Variants in GALNS observed in about 807,000 individuals in gnomAD.
GALNS encodes the protein N-acetylgalactosamine-6-sulfatase.
Under a neutral mutation model 65.9 loss-of-function variants are expected in GALNS, and 65 were observed. That is an observed-to-expected ratio of 0.99 (90% CI 0.81 to 1.21). The LOEUF is 1.21. Ranked by LOEUF, GALNS falls within the 50% of genes most tolerant of loss-of-function variation. The pLI is 0.00. For synonymous variants in GALNS, 346 were observed against 288.9 expected, an observed-to-expected ratio of 1.20 and a Z score of -2.00; for missense variants, 776 against 700.7, an observed-to-expected ratio of 1.11 and a Z score of -1.21.
chr16:88,831,936 A>G, intron 9 of GALNS, 62 bp downstream of exon 9: 1 of 1,442,950 alleles, frequency 6.9e-7, no homozygotes. Context: ...AGGGGCGCAC[A>G]CACCCTGGGA....
At chr16:88,839,772 G>A (rs867634547) in intron 4 of GALNS, among the ~76,000 whole-genome samples, 11 of 152,200 alleles carry the variant, frequency 7.2e-5, no homozygotes, top group Admixed American at 2.6e-4. Flanking sequence ...CCTCTCTCCC[G>A]TCGACAGCTG....
chr16:88,822,723 G>C lies in GALNS; in HGVS notation c.1243-13C>G. 1 of 1,611,304 alleles carries C rather than the reference G, an allele frequency of 6.2e-7. No individual in the cohort carries two copies. Among genetic ancestry groups the C allele is most frequent in the Non-Finnish European group, 8.5e-7 (1 of 1,178,976 alleles). On this transcript the variant is annotated splice_polypyrimidine_tract_variant and intron_variant, in intron 11 of 13. Coordinates refer to ENST00000268695, the MANE Select transcript of GALNS (RefSeq NM_000512.5). Reference sequence around the variant, plus strand: ...AGAAATCAATGCCCTGCAATGAGAAGAGGGAAGGTGTGTCCTGGAGCCCCT... The same window carrying C: ...AGAAATCAATGCCCTGCAATGAGAACAGGGAAGGTGTGTCCTGGAGCCCCT...
intron 13 of GALNS, 133 bp downstream of exon 13, chr16:88,817,874 G>A (rs554742849): frequency 8.7e-6 from 7 of 803,080 alleles, no homozygotes; most frequent in East Asian, 2.7e-5. Context: ...TCTGAGGCAC[G>A]AGGGCCTCAC....
At chr16:88,855,300 C>G (rs1967752412) in intron 1 of GALNS, 5 of 699,866 alleles carry the variant, frequency 7.1e-6, no homozygotes, top group Non-Finnish European at 1.3e-5. Context: ...CCCAGCTCAT[C>G]CAGCGAAGCT....
rs1193874764 is a variant in GALNS, at chr16:88,839,795, G to T, written c.422+1197C>A. Reference sequence around the variant, plus strand: ...CCGTCGACAGCTGTTCAGGAGCCTCGAGGCCTCTATGGAGACCCACTCCCT... The same window carrying T: ...CCGTCGACAGCTGTTCAGGAGCCTCTAGGCCTCTATGGAGACCCACTCCCT... On this transcript the variant is annotated intron_variant, in intron 4 of 13. Coordinates refer to ENST00000268695, the MANE Select transcript of GALNS (RefSeq NM_000512.5). Among the ~76,000 whole-genome samples, 6 of 152,178 alleles carry T rather than the reference G, an allele frequency of 3.9e-5. No homozygotes were observed. The South Asian group carries it at 6.2e-4, about 16-fold the overall frequency.
chr16:88,837,399 G>A (rs570904579), intron 5 of GALNS, among the ~76,000 whole-genome samples: 3 of 152,170 alleles, frequency 2.0e-5, no homozygotes, highest in Non-Finnish European at 4.4e-5. Context: ...AGGGATCTAC[G>A]ACCCTGAAAA....
intron 1 of GALNS, among the ~76,000 whole-genome samples, chr16:88,852,355 T>C (rs1967543984): frequency 6.6e-6 from 1 of 152,084 alleles, no homozygotes; most frequent in African/African-American, 2.4e-5. Flanking sequence ...AAAAAGGACA[T>C]CTACGCCAAA....
intron 13 of GALNS, chr16:88,814,925 G>A (rs141017986): frequency 1.4e-4 from 80 of 561,410 alleles, no homozygotes; most frequent in Non-Finnish European, 1.8e-4. Flanking sequence ...TAGAGACAAG[G>A]GTTCCCCAAG....
rs373739301 is a variant in GALNS, at chr16:88,824,847, C to T, written c.1162G>A (p.Asp388Asn). The T allele has an allele frequency of 4.3e-6, 7 of 1,613,156 alleles. No individual in the cohort carries two copies. The highest frequency in any genetic ancestry group is 4.0e-5 in the African/African-American group (3 of 74,908). ...MDRPIFYYRGDTLMAATLGQH... is the reference protein window; with the variant it reads ...MDRPIFYYRGNTLMAATLGQH... ...CCGAGGGTGGCCGCCATCAGCGTGT[C>T]GCCACGGTAATAGAAGATAGGCCTG... The change falls in exon 11 of 14, where the codon GAC becomes AAC. Residue 388 changes from aspartate (D) to asparagine (N), a missense_variant. Transcript: ENST00000268695.
chr16:88,850,196 G>A (rs575065860), intron 1 of GALNS, among the ~76,000 whole-genome samples: 2 of 152,310 alleles, frequency 1.3e-5, no homozygotes, highest in Admixed American at 6.5e-5. Context: ...TGTTTCGCCC[G>A]TTACACTGTC....
At position 88,814,515 on chromosome 16, in the gene GALNS, G is replaced by A. The variant is rs1597515555; in HGVS notation, c.1493C>T (p.Pro498Leu). 2 of 1,557,116 alleles carry A rather than the reference G, an allele frequency of 1.3e-6. No homozygotes were observed. The highest frequency in any genetic ancestry group is 8.7e-7 in the Non-Finnish European group (1 of 1,149,876). The part of the protein sequence containing the change: ...VCNWAVMNWA[P>L]PGCEKLGKCL... ...CTTCCCTAACTTTTCACAGCCCGGA[G>A]GTGCCCAGTTCTGGGAAATGAAAAT... The change falls in exon 14 of 14, where the codon CCT becomes CTT. Residue 498 changes from proline (P) to leucine (L), a missense_variant. Pro to Leu is a moderately conservative substitution (Grantham distance 98). Transcript: ENST00000268695.
intron 11 of GALNS, 53 bp downstream of exon 11, chr16:88,824,709 CCACGT>C (rs1910621695): frequency 6.9e-7 from 1 of 1,451,504 alleles, no homozygotes; most frequent in Non-Finnish European, 9.7e-7. Context: ...TGCTCAGGGG[CCACGT>C]CTGGATAGAG....
At chr16:88,816,359 G>C (rs997049207) in intron 13 of GALNS, 1 of 985,336 alleles carries the variant, frequency 1.0e-6, no homozygotes, top group Non-Finnish European at 1.2e-6. Context: ...GCTCCTCCAC[G>C]GCTGGTGGCC....
intron 11 of GALNS, among the ~76,000 whole-genome samples, chr16:88,824,386 C>T (rs769456397): frequency 3.9e-5 from 6 of 152,102 alleles, no homozygotes; most frequent in African/African-American, 1.2e-4. Context: ...GCCAATGCTG[C>T]GGCCCCCATG....
chr16:88,853,789 G>A (rs935935216), intron 1 of GALNS, among the ~76,000 whole-genome samples: 1 of 152,124 alleles, frequency 6.6e-6, no homozygotes, highest in Non-Finnish European at 1.5e-5. Context: ...GAAAGGCCAG[G>A]GCAGGGCAGC....
Position 88,814,316 on chromosome 16 carries a change from C to G in GALNS, c.*123G>C, listed in dbSNP as rs886052453. On this transcript the variant is annotated 3_prime_UTR_variant, in exon 14 of 14. Coordinates refer to ENST00000268695, the MANE Select transcript of GALNS (RefSeq NM_000512.5). ...GTGGAATTGTGCAGTCCCCCTGCGTCTGCAGGTGCTGTCTGTCTGGCTTGG... is the reference window on the plus strand; with the variant it reads ...GTGGAATTGTGCAGTCCCCCTGCGTGTGCAGGTGCTGTCTGTCTGGCTTGG... 4 of 1,292,122 alleles carry G rather than the reference C, an allele frequency of 3.1e-6. No individual in the cohort carries two copies. The African/African-American group carries it at 5.9e-5, about 19-fold the overall frequency. The allele number at this position is 1,292,122 out of a possible 1,614,324, so 80.0% of individuals were successfully genotyped here.
chr16:88,816,787 G>C (rs1909673392), intron 13 of GALNS: 2 of 985,464 alleles, frequency 2.0e-6, no homozygotes, highest in African/African-American at 3.5e-5. Flanking sequence ...CCTGGAAAGA[G>C]GCTTCAGCTG....
Position 88,814,542 on chromosome 16 carries a change from G to A in GALNS, c.1483-17C>T, listed in dbSNP as rs374861624. The A allele has an allele frequency of 7.7e-5, 120 of 1,551,740 alleles. No homozygotes were observed. Among genetic ancestry groups the A allele is most frequent in the Non-Finnish European group, 9.3e-5 (107 of 1,147,388 alleles). ...TGCCCAGTTCTGGGAAATGAAAATTGAGAAAAAGAACATGCAGTTATTCAA... is the reference window on the plus strand; with the variant it reads ...TGCCCAGTTCTGGGAAATGAAAATTAAGAAAAAGAACATGCAGTTATTCAA... On this transcript the variant is annotated splice_polypyrimidine_tract_variant and intron_variant, in intron 13 of 13. Coordinates refer to ENST00000268695, the MANE Select transcript of GALNS (RefSeq NM_000512.5).
Position 88,832,036 on chromosome 16 carries a change from C to A in GALNS, c.964G>T (p.Ala322Ser). The A allele has an allele frequency of 1.2e-6, 2 of 1,613,830 alleles. No individual in the cohort carries two copies. The highest frequency in any genetic ancestry group is 1.7e-6 in the Non-Finnish European group (2 of 1,179,898). The change falls in exon 9 of 14, where the codon GCC becomes TCC. Residue 322 changes from alanine to serine, a missense_variant. Ala to Ser is a moderately conservative substitution (Grantham distance 99). Coordinates refer to ENST00000268695, the MANE Select transcript of GALNS (RefSeq NM_000512.5). ...TTFEGGMREP[A>S]LAWWPGHVTA... ...ACGTGCCCTGGCCACCATGCGAGGGCAGGCTCCCTCATCCCTCCTTCAAAC... is the reference window on the plus strand; with the variant it reads ...ACGTGCCCTGGCCACCATGCGAGGGAAGGCTCCCTCATCCCTCCTTCAAAC...
Sources: allele counts gnomAD v4.1 joint callset (sites outside exome capture counted in the v4.1 genomes callset), GRCh38; gene constraint gnomAD v4.1.1; transcripts MANE v1.5; gene names NCBI Gene and HGNC (gene_info 2026-07-23, HGNC 2026-07-21).